The following SUSD1 variants were observed in gnomAD, a reference collection of about 807,000 sequenced individuals.
The protein encoded by SUSD1 is sushi domain-containing protein 1.
SUSD1 carries 65 observed loss-of-function variants against 86.9 expected under a neutral mutation model. The ratio of observed to expected loss-of-function variants is 0.75; its 90% confidence interval spans 0.61 to 0.92. The LOEUF (loss-of-function observed/expected upper bound fraction) is 0.92. SUSD1 is among the 40% of genes least tolerant of loss of function. The pLI, the probability that SUSD1 is intolerant of heterozygous loss-of-function variation, is 0.00. For missense variants in SUSD1, 850 were observed against 929.7 expected, an observed-to-expected ratio of 0.91 and a Z score of 1.11; for synonymous variants, 346 against 350.0, an observed-to-expected ratio of 0.99 and a Z score of 0.13.
intron 12 of SUSD1, among the ~76,000 whole-genome samples, chr9:112,069,591 G>T (rs1047752060): frequency 6.6e-6 from 1 of 152,154 alleles, no homozygotes; most frequent in Admixed American, 6.5e-5. Flanking sequence ...TGTTGTCACA[G>T]TAAAATTAAC....
chr9:112,086,378 TC>T (rs1327228026), intron 10 of SUSD1, among the ~76,000 whole-genome samples: 1 of 150,104 alleles, frequency 6.7e-6, no homozygotes, highest in African/African-American at 2.5e-5. Flanking sequence ...TCTCTCAATC[TC>T]CCACAAGTCC....
rs541324114 is a variant in SUSD1 at position 112,062,995 on chromosome 9, T to C, written c.1792A>G (p.Arg598Gly). The change falls in exon 13 of 17, where the codon AGA becomes GGA. Residue 598 changes from arginine to glycine, a missense_variant. By Grantham distance (125) the Arg-to-Gly change is moderately radical. Coordinates refer to ENST00000374270, the MANE Select transcript of SUSD1 (RefSeq NM_022486.5). ...AGTCTGAGGCGTGGTAGAGGTCCTC[T>C]GTGCACCGTAAAAAATTCTACTTCC... ...LPEVEFFTVH[R>G]GPLPRLRLRK... 9.9e-6 allele frequency: 16 copies of C among 1,613,722 alleles called. No homozygotes were observed. The South Asian group carries it at 1.2e-4, about 12-fold the overall frequency.
chr9:112,057,710 C>A (rs146493075), intron 14 of SUSD1, among the ~76,000 whole-genome samples: 1,723 of 152,302 alleles, frequency 0.011, 47 homozygotes, highest in Admixed American at 0.068. Context: ...AAACCTTACA[C>A]TCAAGATGAT....
At chr9:112,057,717 T>C (rs1390186844) in intron 14 of SUSD1, among the ~76,000 whole-genome samples, 1 of 152,250 alleles carries the variant, frequency 6.6e-6, no homozygotes, top group Admixed American at 6.5e-5. Context: ...ACACTCAAGA[T>C]GATAACATAC....
chr9:112,098,682 A>C lies in SUSD1; in HGVS notation c.1282-20T>G, dbSNP rs1448491552. 6.2e-7 allele frequency: 1 copy of C among 1,612,916 alleles called. No homozygotes were observed. The highest frequency in any genetic ancestry group is 1.1e-5 in the South Asian group (1 of 90,994). On this transcript the variant is annotated intron_variant, in intron 9 of 16. Coordinates refer to ENST00000374270, the MANE Select transcript of SUSD1 (RefSeq NM_022486.5). ...GGTAAACTGTCATGAGATTAAAAGA[A>C]AGTGTTACATTAGATTTTCCATTGA...
chr9:112,080,273 T>C, intron 10 of SUSD1, 108 bp from the exon 11 acceptor site: 2 of 719,294 alleles, frequency 2.8e-6, no homozygotes, highest in Non-Finnish European at 4.8e-6. Context: ...TTCAACAGTA[T>C]TTTAATTTAG....
At chr9:112,111,600 C>T (rs1239561050) in intron 8 of SUSD1, 54 bp downstream of exon 8, 1 of 1,576,098 alleles carries the variant, frequency 6.3e-7, no homozygotes, top group Non-Finnish European at 8.6e-7. Flanking sequence ...CATACTTCCC[C>T]ACATTCTGTG....
chr9:112,125,968 C>T (rs1479219404), intron 5 of SUSD1, among the ~76,000 whole-genome samples: 1 of 152,202 alleles, frequency 6.6e-6, no homozygotes, highest in Non-Finnish European at 1.5e-5. Context: ...TGTTTGCCCA[C>T]AGAGCTTTGG....
chr9:112,080,163 T>A lies in SUSD1; in HGVS notation c.1477A>T (p.Lys493Ter). Residue 493 changes from lysine (K) to a stop codon, truncating the protein, a stop_gained and splice_region_variant, in exon 11 of 17, where the codon AAA becomes TAA. Transcript: ENST00000374270. LOFTEE classifies it high-confidence loss of function. ...QITIATPPAV[K>*]QTISNISGFN... ...CCTGAAATGTTACTGATGGTCTGTT[T>A]TACTGTAGTGGAAAAGAAATGAGAA... is the stretch of plus-strand genomic sequence containing the variant. 6.2e-7 allele frequency: 1 copy of A among 1,610,628 alleles called. No homozygotes were observed. Among genetic ancestry groups the A allele is most frequent in the Non-Finnish European group, 8.5e-7 (1 of 1,176,948 alleles).
intron 10 of SUSD1, among the ~76,000 whole-genome samples, chr9:112,089,811 CA>C (rs3983407): frequency 5.0e-4 from 58 of 115,952 alleles, no homozygotes; most frequent in East Asian, 3.3e-3. Flanking sequence ...GATTCCATCT[CA>C]AAAAAAAAAA....
chr9:112,146,212 G>A (rs1286912180), intron 3 of SUSD1: 1 of 152,164 alleles, frequency 6.6e-6, no homozygotes, highest in Non-Finnish European at 1.5e-5. Context: ...CAATTCATCA[G>A]CTTTTACAAA....
At chr9:112,051,979 C>G (rs1828234392) in intron 15 of SUSD1, among the ~76,000 whole-genome samples, 3 of 152,186 alleles carry the variant, frequency 2.0e-5, no homozygotes, top group Non-Finnish European at 4.4e-5. Context: ...GTCACTTAAC[C>G]TAGCAGGAAA....
rs1231768987 is a variant in SUSD1 at position 112,143,616 on chromosome 9, A to T, written c.381T>A (p.Asp127Glu). The T allele has an allele frequency of 6.2e-6, 10 of 1,612,402 alleles. No individual in the cohort carries two copies. The South Asian group carries it at 7.7e-5, about 12-fold the overall frequency. Residue 127 changes from aspartate (D) to glutamate (E), a missense_variant, in exon 4 of 17, where the codon GAT becomes GAA. Coordinates refer to ENST00000374270, the MANE Select transcript of SUSD1 (RefSeq NM_022486.5). ...TGCACAGGCCAGAAACTTCACACTC[A>T]TCTATGTCTTGGGACCCAATCCAAA... ...PNDGTFCTDI[D>E]ECEVSGLCRH... is the part of the protein sequence containing the mutation.
At chr9:112,103,798 T>G (rs182573252) in intron 8 of SUSD1, among the ~76,000 whole-genome samples, 84 of 152,216 alleles carry the variant, frequency 5.5e-4, no homozygotes, top group African/African-American at 2.0e-3. Flanking sequence ...AGACCTACTA[T>G]GCAACCTGGC....
intron 8 of SUSD1, among the ~76,000 whole-genome samples, chr9:112,106,243 G>A (rs1830833856): frequency 6.6e-6 from 1 of 151,936 alleles, no homozygotes; most frequent in Non-Finnish European, 1.5e-5. Context: ...AAAGTGCAGG[G>A]ATTACAGGCA....
In SUSD1 at chr9:112,156,786, G is replaced by A. The variant is rs145584605; in HGVS notation, c.217+714C>T. ...CTGTATATACCATCTATCCACAACT[G>A]TAAGGTAAAACCATCAATATTTTTA... On this transcript the variant is annotated intron_variant, in intron 2 of 16. Coordinates refer to ENST00000374270, the MANE Select transcript of SUSD1 (RefSeq NM_022486.5). 1.6e-3 allele frequency among the ~76,000 whole-genome samples: 251 copies of A among 152,228 alleles called. 1 individual carries two copies. The highest frequency in any genetic ancestry group is 5.7e-3 in the African/African-American group (236 of 41,548).
chr9:112,071,770 G>C (rs1459740076), intron 12 of SUSD1, among the ~76,000 whole-genome samples: 1 of 152,112 alleles, frequency 6.6e-6, no homozygotes, highest in Non-Finnish European at 1.5e-5. Context: ...CCAGTACAAT[G>C]CTACTTTTCT....
At chr9:112,138,504 G>T (rs1171838456) in intron 5 of SUSD1, among the ~76,000 whole-genome samples, 1 of 149,902 alleles carries the variant, frequency 6.7e-6, no homozygotes, top group Non-Finnish European at 1.5e-5. Context: ...TGTCACCCAG[G>T]TTGGAGTGCA....
intron 2 of SUSD1, 23 bp from the exon 3 acceptor site, chr9:112,149,422 C>CA (rs1475422530): frequency 6.2e-7 from 1 of 1,610,860 alleles, no homozygotes; most frequent in African/African-American, 1.3e-5. Context: ...AGACAAGGCA[C>CA]CGGAAGAGCT....
Sources: gnomAD v4.1 joint callset for allele counts (sites outside exome capture counted in the v4.1 genomes callset) on GRCh38, gnomAD v4.1.1 for gene constraint, MANE v1.5 for transcripts, NCBI Gene and HGNC (gene_info 2026-07-23, HGNC 2026-07-21) for gene names.